The following GNG4 variants were observed in gnomAD, a reference collection of about 807,000 sequenced individuals.
GNG4 encodes guanine nucleotide-binding protein G(I)/G(S)/G(O) subunit gamma-4.
GNG4 carries 4 observed loss-of-function variants against 5.8 expected under a neutral mutation model. That is an observed-to-expected ratio of 0.69 (90% confidence interval 0.34 to 1.57). The LOEUF (loss-of-function observed/expected upper bound fraction) is 1.57, where lower values mean the gene tolerates loss of function less well. GNG4 is among the 40% of genes most tolerant of loss of function. The pLI, the probability that GNG4 is intolerant of heterozygous loss-of-function variation, is 0.06. For synonymous variants in GNG4, 29 were observed against 32.9 expected, an observed-to-expected ratio of 0.88 and a Z score of 0.41; for missense variants, 96 against 95.1, an observed-to-expected ratio of 1.01 and a Z score of -0.04.
At chr1:235,617,956 A>C (rs1688632456) in intron 1 of GNG4, among the ~76,000 whole-genome samples, 1 of 152,094 alleles carries the variant, frequency 6.6e-6, no homozygotes, top group Non-Finnish European at 1.5e-5. Flanking sequence ...CCTCCCTAAA[A>C]GCACATTCTG....
intron 2 of GNG4, among the ~76,000 whole-genome samples, chr1:235,585,609 ATCATAC>A (rs1042377943): frequency 2.0e-5 from 3 of 152,224 alleles, no homozygotes; most frequent in African/African-American, 7.2e-5. Flanking sequence ...TGCAAAAAAG[ATCATAC>A]TCATTCTTTC....
chr1:235,605,955 T>TGG (rs537694980), intron 1 of GNG4, among the ~76,000 whole-genome samples: 1,431 of 105,700 alleles, frequency 0.014, 30 homozygotes, highest in African/African-American at 0.017. Flanking sequence ...ATTGAGAGTG[T>TGG]GGGGGGGTGG....
intron 2 of GNG4, among the ~76,000 whole-genome samples, chr1:235,586,972 C>T (rs1008798100): frequency 1.3e-5 from 2 of 152,164 alleles, no homozygotes; most frequent in Admixed American, 6.5e-5. Flanking sequence ...CCATCCCTCT[C>T]GCCCCTTGTC....
intron 2 of GNG4, among the ~76,000 whole-genome samples, chr1:235,590,992 G>A (rs1247020358): frequency 3.3e-5 from 5 of 152,170 alleles, no homozygotes; most frequent in African/African-American, 4.8e-5. Flanking sequence ...GGTAGGGGCC[G>A]AGATCCTGCG....
chr1:235,612,770 G>C (rs1322901360), intron 1 of GNG4, among the ~76,000 whole-genome samples: 1 of 152,146 alleles, frequency 6.6e-6, no homozygotes, highest in Non-Finnish European at 1.5e-5. Context: ...TGATCCACCC[G>C]CCTTGGCCTC....
rs1687996119 is a variant in GNG4, at chr1:235,592,487, T to G, written c.-11+2913A>C. On this transcript the variant is annotated intron_variant, in intron 2 of 3. Coordinates refer to ENST00000391854, the MANE Select transcript of GNG4 (RefSeq NM_001098722.2). ...TCACACCACTGCACTCCAGCCTGGG[T>G]GACAGAATGAGACTCTTATCTCTAA... is the stretch of plus-strand genomic sequence containing the variant. 2.0e-5 allele frequency among the ~76,000 whole-genome samples: 3 copies of G among 152,194 alleles called. No individual in the cohort carries two copies. The South Asian group carries it at 6.2e-4, about 32-fold the overall frequency.
At chr1:235,577,613 C>G (rs1687519991) in intron 3 of GNG4, among the ~76,000 whole-genome samples, 1 of 152,028 alleles carries the variant, frequency 6.6e-6, no homozygotes, top group African/African-American at 2.4e-5. Context: ...GCTAAGTTTT[C>G]TATTTTTAGT....
At chr1:235,595,162 T>C (rs1688094729) in intron 2 of GNG4, among the ~76,000 whole-genome samples, 1 of 152,098 alleles carries the variant, frequency 6.6e-6, no homozygotes, top group African/African-American at 2.4e-5. Context: ...CAGGTGCACA[T>C]CCATTCACAT....
rs533853180 is a variant in GNG4 at position 235,600,100 on chromosome 1, CTTTTTTTTTT to C, written c.-122-4599_-122-4590del. On this transcript the variant is annotated intron_variant, in intron 1 of 3. Coordinates refer to ENST00000391854, the MANE Select transcript of GNG4 (RefSeq NM_001098722.2). ...TCCTTTATCTGGTTGCGGAAGAAAG[CTTTTTTTTTT>C]TTTTTTTTTTTTTTTTTTTAGACAG... 3.5e-4 allele frequency among the ~76,000 whole-genome samples: 15 copies of C among 43,136 alleles called. 1 individual carries two copies. Among genetic ancestry groups the C allele is most frequent in the Admixed American group, 6.1e-4 (2 of 3,264 alleles). 28.3% of individuals were successfully genotyped at this position (43,136 alleles called of 152,430 possible). A position where few individuals can be genotyped will look rare whatever the true frequency, so the allele number is the denominator to read the frequency against.
rs548647743 is a variant in GNG4 at position 235,628,356 on chromosome 1, C to G, written c.-123+21306G>C. Among the ~76,000 whole-genome samples, 31 of 150,966 alleles carry G rather than the reference C, an allele frequency of 2.1e-4. No individual in the cohort carries two copies. The East Asian group carries it at 5.9e-3, about 29-fold the overall frequency. ...GGAAGAAGAGCATTGCCTGCAGGAC[C>G]GGAGAGTGACCCTCTCTGCAAGCTG... On this transcript the variant is annotated intron_variant, in intron 1 of 3. Coordinates refer to ENST00000391854, the MANE Select transcript of GNG4 (RefSeq NM_001098722.2).
At chr1:235,622,364 C>G (rs1182926097) in intron 1 of GNG4, among the ~76,000 whole-genome samples, 1 of 152,166 alleles carries the variant, frequency 6.6e-6, no homozygotes, top group Admixed American at 6.5e-5. Context: ...TACTTTGGTT[C>G]TGTCCTAAGC....
intron 3 of GNG4, among the ~76,000 whole-genome samples, chr1:235,553,899 T>A (rs910370604): frequency 1.3e-5 from 2 of 152,212 alleles, no homozygotes; most frequent in Non-Finnish European, 2.9e-5. Context: ...CCCAATTTAC[T>A]CTAAGACGTC....
At chr1:235,607,613 G>A (rs1056256951) in intron 1 of GNG4, among the ~76,000 whole-genome samples, 5 of 152,246 alleles carry the variant, frequency 3.3e-5, no homozygotes, top group East Asian at 1.9e-4. Flanking sequence ...AGTGGGTCAC[G>A]CGCTTTGATC....
chr1:235,646,760 C>G (rs1324015769), intron 1 of GNG4, among the ~76,000 whole-genome samples: 1 of 152,196 alleles, frequency 6.6e-6, no homozygotes, highest in Non-Finnish European at 1.5e-5. Flanking sequence ...TGATTGCCCA[C>G]CAGCCACCAT....
At chr1:235,613,990 T>C (rs1460741959) in intron 1 of GNG4, among the ~76,000 whole-genome samples, 6 of 152,172 alleles carry the variant, frequency 3.9e-5, no homozygotes, top group African/African-American at 9.7e-5. Flanking sequence ...ATTTTTGTAT[T>C]TATTGTAGAG....
At chr1:235,626,574 A>G (rs6692985) in intron 1 of GNG4, among the ~76,000 whole-genome samples, 50,014 of 152,036 alleles carry the variant, frequency 0.33, 8,550 homozygotes, top group Non-Finnish European at 0.38. Context: ...CCTCAGCTGC[A>G]CTAATGTCCA....
chr1:235,564,533 A>G (rs1687145567), intron 3 of GNG4, among the ~76,000 whole-genome samples: 1 of 152,204 alleles, frequency 6.6e-6, no homozygotes, highest in South Asian at 2.1e-4. Context: ...ACAGGTTGCC[A>G]TATTTATACT....
At chr1:235,643,100 C>A (rs142168863) in intron 1 of GNG4, among the ~76,000 whole-genome samples, 14 of 152,322 alleles carry the variant, frequency 9.2e-5, no homozygotes, top group Non-Finnish European at 1.6e-4. Flanking sequence ...ACGCCTCCGA[C>A]CTTCCCCACA....
chr1:235,635,454 C>T (rs1254972026), intron 1 of GNG4, among the ~76,000 whole-genome samples: 1 of 151,880 alleles, frequency 6.6e-6, no homozygotes, highest in Non-Finnish European at 1.5e-5. Flanking sequence ...TGAGATCGCA[C>T]CACTGGACTC....
Sources: gnomAD v4.1 joint callset for allele counts (sites outside exome capture counted in the v4.1 genomes callset) on GRCh38, gnomAD v4.1.1 for gene constraint, MANE v1.5 for transcripts, NCBI Gene and HGNC (gene_info 2026-07-23, HGNC 2026-07-21) for gene names.